CRYGN: variants seen among roughly 807,000 people sequenced by gnomAD.
CRYGN encodes the protein crystallin gamma N.
Under a neutral mutation model 19.2 loss-of-function variants are expected in CRYGN, and 17 were observed. That is an observed-to-expected ratio of 0.89 (90% CI 0.61 to 1.33). The LOEUF is 1.33. Among genes scored for constraint, CRYGN ranks in the 40% most tolerant of loss-of-function variants. The probability of loss-of-function intolerance (pLI) is 0.00; values close to 1 mark genes in which losing one functional copy is unlikely to be tolerated. For synonymous variants in CRYGN, 84 were observed against 85.8 expected (o/e 0.98, Z 0.12); for missense variants, 239 against 239.6 (o/e 1.00, Z 0.02).
In CRYGN at chr7:151,429,826, G is replaced by A. The variant is rs964899656; in HGVS notation, c.*222C>T. 6.9e-6 allele frequency: 4 copies of A among 579,984 alleles called. No homozygotes were observed. Among genetic ancestry groups the A allele is most frequent in the East Asian group, 5.9e-5 (2 of 33,834 alleles). The allele number at this position is 579,984 out of a possible 1,614,324, so 35.9% of individuals were successfully genotyped here. A position where few individuals can be genotyped will look rare whatever the true frequency, so the allele number is the denominator to read the frequency against. ...GGCCTGAGGCCAGCAGGGTGCCAAG[G>A]CCCAAGGAGGCTGTGGGGTGGAGGG... On this transcript the variant is annotated 3_prime_UTR_variant, in exon 4 of 4. Coordinates refer to ENST00000337323, the MANE Select transcript of CRYGN (RefSeq NM_144727.3).
At chr7:151,438,378 A>G in intron 1 of CRYGN, 134 bp from the exon 2 acceptor site, 1 of 832,138 alleles carries the variant, frequency 1.2e-6, no homozygotes, top group Non-Finnish European at 1.8e-6. Flanking sequence ...TGCTGCACAC[A>G]GTAGGTGCCC....
At chr7:151,438,286 C>T (rs1247993080) in intron 1 of CRYGN, 42 bp from the exon 2 acceptor site, 2 of 1,568,582 alleles carry the variant, frequency 1.3e-6, no homozygotes, top group Admixed American at 1.7e-5. Flanking sequence ...AGGGGCTTCT[C>T]TCCGTCAGCG....
intron 2 of CRYGN, among the ~76,000 whole-genome samples, chr7:151,437,330 A>G (rs1417815324): frequency 1.3e-5 from 2 of 151,994 alleles, no homozygotes; most frequent in Non-Finnish European, 2.9e-5. Context: ...GGAGTCCGCC[A>G]CTCCCCACCT....
intron 3 of CRYGN, chr7:151,432,092 G>T: frequency 1.1e-6 from 1 of 882,990 alleles, no homozygotes; most frequent in Non-Finnish European, 1.5e-6. Flanking sequence ...GGGTGGGACC[G>T]CAAGGGGTTG....
chr7:151,437,185 G>C (rs1801632449), intron 2 of CRYGN, among the ~76,000 whole-genome samples: 1 of 152,150 alleles, frequency 6.6e-6, no homozygotes, highest in Non-Finnish European at 1.5e-5. Context: ...AAAAGAGAGG[G>C]GGCACCACAC....
rs1801439282 is a variant in CRYGN at position 151,430,515 on chromosome 7, G to A, written c.417-335C>T. ...TTGGAGGACACCCAGGAACGGGACA[G>A]CCATCCCCTGGCCCACCACACTCAG... On this transcript the variant is annotated intron_variant, in intron 3 of 3. Transcript: ENST00000337323. This position sits in a 1 kb window ranked among gnomAD's most constrained non-coding sequence, Gnocchi z 5.2. Among the ~76,000 whole-genome samples the A allele has an allele frequency of 6.6e-6, 1 of 152,180 alleles. No homozygotes were observed. The highest frequency in any genetic ancestry group is 1.5e-5 in the Non-Finnish European group (1 of 68,016).
Position 151,430,972 on chromosome 7 carries a change from T to C in CRYGN, c.417-792A>G, listed in dbSNP as rs1801450365. Among the ~76,000 whole-genome samples, 2 of 152,212 alleles carry C rather than the reference T, an allele frequency of 1.3e-5. No individual in the cohort carries two copies. The highest frequency in any genetic ancestry group is 2.9e-5 in the Non-Finnish European group (2 of 68,040). On this transcript the variant is annotated intron_variant, in intron 3 of 3. Coordinates refer to ENST00000337323, the MANE Select transcript of CRYGN (RefSeq NM_144727.3). The surrounding 1 kb of genome is among the most constrained non-coding windows in gnomAD (Gnocchi z 5.2). ...CACTGATCCCTCATCCAGCCAGGCC[T>C]TGGTCCAGGCACAGGCCATGTGGAC...
intron 3 of CRYGN, among the ~76,000 whole-genome samples, chr7:151,434,021 G>A (rs1373661224): frequency 6.6e-6 from 1 of 152,150 alleles, no homozygotes; most frequent in Non-Finnish European, 1.5e-5. Flanking sequence ...CTTGGCAGTG[G>A]GAGGTGGTGG....
Position 151,432,242 on chromosome 7 carries a change from C to T in CRYGN, c.417-2062G>A, listed in dbSNP as rs764500939. 2.6e-4 allele frequency: 325 copies of T among 1,232,102 alleles called. 1 individual carries two copies. Among genetic ancestry groups the T allele is most frequent in the Non-Finnish European group, 3.1e-4 (302 of 988,012 alleles). The allele number at this position is 1,232,102 out of a possible 1,614,324, so 76.3% of individuals were successfully genotyped here. ...CTGCGGAAGTCGCCACTCTCCACCA[C>T]GTACATGCGGCCGTGGTAGTTGGGC... On this transcript the variant is annotated intron_variant, in intron 3 of 3. Coordinates refer to ENST00000337323, the MANE Select transcript of CRYGN (RefSeq NM_144727.3).
In CRYGN at chr7:151,431,848, A is replaced by T. The variant is rs1000272069; in HGVS notation, c.417-1668T>A. On this transcript the variant is annotated intron_variant, in intron 3 of 3. Coordinates refer to ENST00000337323, the MANE Select transcript of CRYGN (RefSeq NM_144727.3). The surrounding 1 kb of genome is among the most constrained non-coding windows in gnomAD (Gnocchi z 4.8). ...CGAGTCACAGAGAGGCAGAGCCCCAAGCGAGCCTGGGGAGTCCTGAACCGG... is the reference window on the plus strand; with the variant it reads ...CGAGTCACAGAGAGGCAGAGCCCCATGCGAGCCTGGGGAGTCCTGAACCGG... The T allele has an allele frequency of 9.2e-6, 2 of 217,604 alleles. No individual in the cohort carries two copies. The highest frequency in any genetic ancestry group is 3.7e-4 in the South Asian group (2 of 5,372). The allele number at this position is 217,604 out of a possible 1,614,324, so 13.5% of individuals were successfully genotyped here.
intron 2 of CRYGN, 37 bp downstream of exon 2, chr7:151,437,959 C>A: frequency 6.2e-7 from 1 of 1,608,184 alleles, no homozygotes; most frequent in Non-Finnish European, 8.5e-7. Flanking sequence ...GTCCCTCCAG[C>A]AGGAAGACTC....
chr7:151,436,391 G>A lies in CRYGN; in HGVS notation c.271-66C>T, dbSNP rs76423834. The A allele has an allele frequency of 4.7e-3, 6,786 of 1,432,198 alleles. 253 individuals are homozygous for A. The African/African-American group carries it at 0.085, about 18-fold the overall frequency. The allele number at this position is 1,432,198 out of a possible 1,614,324, so 88.7% of individuals were successfully genotyped here. ...TGTGAATTCCCCTCTCCCAGAAACA[G>A]AAGCCCCATGCAGGAAGGAATTAGG... On this transcript the variant is annotated intron_variant, in intron 2 of 3. Transcript: ENST00000337323. This position sits in a 1 kb window ranked among gnomAD's most constrained non-coding sequence, Gnocchi z 5.1.
Position 151,430,456 on chromosome 7 carries a change from T to A in CRYGN, c.417-276A>T, listed in dbSNP as rs1801437502. Among the ~76,000 whole-genome samples, 1 of 152,144 alleles carries A rather than the reference T, an allele frequency of 6.6e-6. No individual in the cohort carries two copies. The highest frequency in any genetic ancestry group is 6.5e-5 in the Admixed American group (1 of 15,280). On this transcript the variant is annotated intron_variant, in intron 3 of 3. Coordinates refer to ENST00000337323, the MANE Select transcript of CRYGN (RefSeq NM_144727.3). This position sits in a 1 kb window ranked among gnomAD's most constrained non-coding sequence, Gnocchi z 5.2. The stretch of plus-strand genomic sequence containing the variant: ...ATTGGGTGACCCATCGTGACTCTTT[T>A]TCCATTGCTCTCTCAGTGAGGGATG...
chr7:151,431,406 C>G lies in CRYGN; in HGVS notation c.417-1226G>C, dbSNP rs1801459811. 1.3e-5 allele frequency among the ~76,000 whole-genome samples: 2 copies of G among 152,138 alleles called. No individual in the cohort carries two copies. ...GGGGTGTCCCCTCTAGATTCAAGCCCACCCCAACAGGAGGACCCAGTGTCC... is the reference window on the plus strand; with the variant it reads ...GGGGTGTCCCCTCTAGATTCAAGCCGACCCCAACAGGAGGACCCAGTGTCC... On this transcript the variant is annotated intron_variant, in intron 3 of 3. Coordinates refer to ENST00000337323, the MANE Select transcript of CRYGN (RefSeq NM_144727.3). The surrounding 1 kb of genome is among the most constrained non-coding windows in gnomAD (Gnocchi z 4.8).
Position 151,439,903 on chromosome 7 carries a change from C to G in CRYGN, c.15G>C (p.Ser5=). The change falls in exon 1 of 4, where the codon TCG becomes TCC. Residue 5 remains serine (S), a synonymous_variant. Coordinates refer to ENST00000337323, the MANE Select transcript of CRYGN (RefSeq NM_144727.3). MAQR[S]GKITLYEGKH... ...GGTTGAGGGACGCACTCACCTTCCC[C>G]GAGCGCTGCGCCATGGTGCGCCCCG... The G allele has an allele frequency of 6.4e-7, 1 of 1,555,198 alleles. No individual in the cohort carries two copies. The highest frequency in any genetic ancestry group is 1.2e-5 in the South Asian group (1 of 83,132).
At chr7:151,432,570 G>A (rs1009024960) in intron 3 of CRYGN, among the ~76,000 whole-genome samples, 2 of 152,184 alleles carry the variant, frequency 1.3e-5, no homozygotes, top group Admixed American at 1.3e-4. Flanking sequence ...TTGGGAGGCC[G>A]AGGCAGGCAG....
intron 3 of CRYGN, among the ~76,000 whole-genome samples, chr7:151,434,164 C>A (rs746135575): frequency 4.6e-5 from 7 of 152,148 alleles, no homozygotes; most frequent in Non-Finnish European, 7.4e-5. Context: ...GAGTCTTAGG[C>A]GGCAAAGGCT....
In CRYGN at chr7:151,436,287, G is replaced by T. The variant is rs773268567; in HGVS notation, c.309C>A (p.Cys103Ter). The T allele has an allele frequency of 2.5e-6, 4 of 1,594,474 alleles. No individual in the cohort carries two copies. Among genetic ancestry groups the T allele is most frequent in the Non-Finnish European group, 3.4e-6 (4 of 1,170,528 alleles). The change falls in exon 3 of 4, where the codon TGC becomes TGA. Residue 103 changes from cysteine (C) to a stop codon, truncating the protein, a stop_gained. Coordinates refer to ENST00000337323, the MANE Select transcript of CRYGN (RefSeq NM_144727.3). LOFTEE classifies it high-confidence loss of function. This position sits in a 1 kb window ranked among gnomAD's most constrained non-coding sequence, Gnocchi z 5.1. ...EHFRLEIFEGCNFTGQCLEFL... is the reference protein window; with the variant it reads ...EHFRLEIFEG ...ACTCCAGGCACTGGCCCGTGAAGTT[G>T]CAACCCTCGAAGATTTCTAGGCGGA...
Position 151,430,841 on chromosome 7 carries a change from G to A in CRYGN, c.417-661C>T, listed in dbSNP as rs1472779671. ...GGCCAGTCGGGAGCCAGTTGGTTGG[G>A]GGGACTCTGGGATCGCAGTCGGGGA... On this transcript the variant is annotated intron_variant, in intron 3 of 3. Transcript: ENST00000337323. The surrounding 1 kb of genome is among the most constrained non-coding windows in gnomAD (Gnocchi z 5.2). 1.3e-5 allele frequency among the ~76,000 whole-genome samples: 2 copies of A among 152,180 alleles called. No individual in the cohort carries two copies. Among genetic ancestry groups the A allele is most frequent in the Non-Finnish European group, 2.9e-5 (2 of 68,032 alleles).
Sources: allele counts gnomAD v4.1 joint callset (sites outside exome capture counted in the v4.1 genomes callset), GRCh38; gene constraint gnomAD v4.1.1; non-coding constraint Gnocchi (gnomAD v3.1); transcripts MANE v1.5; gene names NCBI Gene and HGNC (gene_info 2026-07-23, HGNC 2026-07-21).